Variants in MAPK9 observed in about 807,000 individuals in gnomAD.
MAPK9 encodes the protein Jun kinase.
MAPK9 carries 30 observed loss-of-function variants against 57.1 expected under a neutral mutation model. The ratio of observed to expected loss-of-function variants is 0.53; its 90% CI spans 0.39 to 0.71. MAPK9 has a LOEUF of 0.71. Ranked by LOEUF, MAPK9 falls within the 30% of genes least tolerant of loss-of-function variation. The pLI is 0.00. For missense variants in MAPK9, 362 were observed against 521.0 expected, an observed-to-expected ratio of 0.69 and a Z score of 2.97; for synonymous variants, 155 against 177.0, an observed-to-expected ratio of 0.88 and a Z score of 0.99.
chr5:180,291,040 A>C (rs1347446510), intron 1 of MAPK9, among the ~76,000 whole-genome samples: 1 of 152,232 alleles, frequency 6.6e-6, no homozygotes. Flanking sequence ...GGCCTCACCC[A>C]AAACGAGACA....
intron 2 of MAPK9, among the ~76,000 whole-genome samples, chr5:180,272,991 C>T (rs763005708): frequency 6.6e-6 from 1 of 152,172 alleles, no homozygotes; most frequent in African/African-American, 2.4e-5. Flanking sequence ...GGTTCCAGTA[C>T]ACGAGGGGTC....
intron 2 of MAPK9, among the ~76,000 whole-genome samples, chr5:180,275,294 G>C (rs1761711848): frequency 6.6e-6 from 1 of 152,010 alleles, no homozygotes; most frequent in African/African-American, 2.4e-5. Flanking sequence ...GGTACCTGGG[G>C]GCACTAGCAA....
At chr5:180,249,337 A>G (rs1452452716) in intron 5 of MAPK9, among the ~76,000 whole-genome samples, 199 bp from the exon 6 acceptor site, 1 of 151,702 alleles carries the variant, frequency 6.6e-6, no homozygotes, top group Non-Finnish European at 1.5e-5. Context: ...GGTGCCCCTT[A>G]CCCCCAGTGG....
In MAPK9 at chr5:180,268,550, G is replaced by A. The variant is rs34252953; in HGVS notation, c.252+730C>T. Among the ~76,000 whole-genome samples the A allele has an allele frequency of 8.9e-3, 1,358 of 152,298 alleles. 17 individuals carry two copies. Among genetic ancestry groups the A allele is most frequent in the African/African-American group, 0.031 (1,271 of 41,566 alleles). Reference sequence around the variant, plus strand: ...ATGTTTATTAAGAATTTTATCAGCCGGGCGCCATGGCTCACGCCTGTAATC... The same window carrying A: ...ATGTTTATTAAGAATTTTATCAGCCAGGCGCCATGGCTCACGCCTGTAATC... On this transcript the variant is annotated intron_variant, in intron 3 of 11. Transcript: ENST00000452135.
At chr5:180,268,241 C>T (rs887625228) in intron 3 of MAPK9, among the ~76,000 whole-genome samples, 5 of 152,114 alleles carry the variant, frequency 3.3e-5, no homozygotes, top group African/African-American at 1.2e-4. Flanking sequence ...ATTATTTCTC[C>T]GTAAAATTTA....
At chr5:180,280,330 A>G (rs931690854) in intron 2 of MAPK9, 110 bp downstream of exon 2, 33 of 1,440,678 alleles carry the variant, frequency 2.3e-5, no homozygotes, top group South Asian at 2.8e-5. Context: ...TCATAAACCT[A>G]TAACAGAGTT....
At chr5:180,270,556 G>A (rs1458049132) in intron 2 of MAPK9, among the ~76,000 whole-genome samples, 1 of 152,132 alleles carries the variant, frequency 6.6e-6, no homozygotes, top group African/African-American at 2.4e-5. Context: ...TCAGACTCAA[G>A]AATTTGAAAA....
At chr5:180,290,564 T>A (rs1171995682) in intron 1 of MAPK9, among the ~76,000 whole-genome samples, 1 of 152,232 alleles carries the variant, frequency 6.6e-6, no homozygotes, top group Non-Finnish European at 1.5e-5. Context: ...TCAGTAAATG[T>A]CTCTTGTATG....
chr5:180,249,490 TCTGA>T (rs1462666820), intron 5 of MAPK9, among the ~76,000 whole-genome samples: 1 of 149,646 alleles, frequency 6.7e-6, no homozygotes, highest in African/African-American at 2.5e-5. Context: ...TCCCCAATAC[TCTGA>T]CTCTCTCTTG....
At chr5:180,256,369 C>G (rs2127591006) in intron 5 of MAPK9, among the ~76,000 whole-genome samples, 1 of 151,116 alleles carries the variant, frequency 6.6e-6, no homozygotes, top group East Asian at 2.0e-4. Flanking sequence ...TAACTTAGGG[C>G]TCCTCCCTTC....
intron 2 of MAPK9, among the ~76,000 whole-genome samples, chr5:180,270,780 T>C (rs1268168229): frequency 7.0e-6 from 1 of 142,728 alleles, no homozygotes; most frequent in East Asian, 2.0e-4. Context: ...GAGCCGGGGG[T>C]CGAGACTGCA....
chr5:180,280,424 AAC>A lies in MAPK9; in HGVS notation c.122+14_122+15del. 1.2e-6 allele frequency: 2 copies of A among 1,612,656 alleles called. No homozygotes were observed. On this transcript the variant is annotated intron_variant, in intron 2 of 11. Coordinates refer to ENST00000452135, the MANE Select transcript of MAPK9 (RefSeq NM_002752.5). ...GCAAAAACTCAATCCACGCTATTAA[AAC>A]AGACCATACTTACCAAACAATCCCT...
At chr5:180,266,433 G>A (rs1369725833) in intron 3 of MAPK9, among the ~76,000 whole-genome samples, 6 of 151,732 alleles carry the variant, frequency 4.0e-5, no homozygotes, top group Non-Finnish European at 7.4e-5. Context: ...TCCTGCCTCA[G>A]CCTCCCAATG....
intron 7 of MAPK9, chr5:180,246,150 A>G (rs1758075019): frequency 6.6e-6 from 1 of 152,252 alleles, no homozygotes; most frequent in Non-Finnish European, 1.5e-5. Context: ...ATGAGTAAGA[A>G]TTGAGACAAA....
At chr5:180,273,999 G>A (rs1291830125) in intron 2 of MAPK9, among the ~76,000 whole-genome samples, 3 of 151,982 alleles carry the variant, frequency 2.0e-5, no homozygotes, top group African/African-American at 7.3e-5. Flanking sequence ...TTTTTAAGAC[G>A]ACTGAGATTT....
chr5:180,245,651 G>A (rs1224374891), intron 7 of MAPK9, among the ~76,000 whole-genome samples: 2 of 152,156 alleles, frequency 1.3e-5, no homozygotes, highest in Non-Finnish European at 2.9e-5. Flanking sequence ...TGAAGCTGCA[G>A]GCAGACCACA....
intron 3 of MAPK9, among the ~76,000 whole-genome samples, chr5:180,267,266 A>G (rs924139941): frequency 1.3e-5 from 2 of 152,170 alleles, no homozygotes; most frequent in Non-Finnish European, 2.9e-5. Context: ...TTTTTAAATA[A>G]GTAAGTAAAA....
At chr5:180,238,260 ACT>A (rs763326405) in intron 11 of MAPK9, 70 bp downstream of exon 11, 55 of 1,231,978 alleles carry the variant, frequency 4.5e-5, no homozygotes, top group Non-Finnish European at 6.1e-5. Context: ...ACAGAACGAA[ACT>A]CTGTCTCAAA....
intron 5 of MAPK9, among the ~76,000 whole-genome samples, chr5:180,252,086 G>A (rs532251497): frequency 3.3e-5 from 5 of 152,122 alleles, no homozygotes; most frequent in East Asian, 1.9e-4. Flanking sequence ...TGCAGGGTTC[G>A]TGGGGTCAGG....
Sources: allele counts gnomAD v4.1 joint callset (sites outside exome capture counted in the v4.1 genomes callset), GRCh38; gene constraint gnomAD v4.1.1; transcripts MANE v1.5; gene names NCBI Gene and HGNC (gene_info 2026-07-23, HGNC 2026-07-21).